The following ZNF679 variants were observed in gnomAD, a reference collection of about 807,000 sequenced individuals.
ZNF679 encodes the protein zinc finger protein 679.
A neutral mutation model predicts 13.4 loss-of-function variants in ZNF679; 10 were observed. That is an observed-to-expected ratio of 0.75 (90% CI 0.46 to 1.27). The LOEUF (loss-of-function observed/expected upper bound fraction) is 1.27, where lower values mean the gene tolerates loss of function less well. Ranked by LOEUF, ZNF679 falls within the 50% of genes most tolerant of loss-of-function variation. ZNF679 has a pLI of 0.00. For missense variants in ZNF679, 525 were observed against 477.8 expected, an observed-to-expected ratio of 1.10 and a Z score of -0.92; for synonymous variants, 179 against 162.5, an observed-to-expected ratio of 1.10 and a Z score of -0.77.
At chr7:64,261,063 T>C in intron 4 of ZNF679, 134 bp downstream of exon 4, 2 of 934,820 alleles carry the variant, frequency 2.1e-6, no homozygotes, top group East Asian at 5.5e-5. Context: ...GTCATTTTTT[T>C]TTCTTTTGCT....
intron 1 of ZNF679, among the ~76,000 whole-genome samples, chr7:64,231,546 A>C (rs76110034): frequency 0.04 from 6,049 of 152,244 alleles, 187 homozygotes; most frequent in East Asian, 0.16. Context: ...GTCATGTCAC[A>C]TAGTTTATGG....
In ZNF679 at chr7:64,266,040, T is replaced by G; in HGVS notation, c.407T>G (p.Val136Gly). 2 of 1,613,270 alleles carry G rather than the reference T, an allele frequency of 1.2e-6. No individual in the cohort carries two copies. The highest frequency in any genetic ancestry group is 1.7e-6 in the Non-Finnish European group (2 of 1,179,662). The change falls in exon 5 of 5, where the codon GTG becomes GGG. Residue 136 changes from valine (V) to glycine (G), a missense_variant. By Grantham distance (109) the Val-to-Gly change is moderately radical (BLOSUM62 -3). Transcript: ENST00000421025. ...TGTAAAAGCATGGGTGAGTGTGAGG[T>G]GCAAAAAGGAGGTTGTAATGAAGTT... ...KTCKSMGECEVQKGGCNEVNQ... is the reference protein window; with the variant it reads ...KTCKSMGECEGQKGGCNEVNQ...
At chr7:64,235,335 CA>C (rs199571542) in intron 1 of ZNF679, among the ~76,000 whole-genome samples, 3,474 of 122,454 alleles carry the variant, frequency 0.028, 121 homozygotes, top group African/African-American at 0.091. Flanking sequence ...TTCTGAGATA[CA>C]AAAAAAAAAA....
At position 64,236,227 on chromosome 7, in the gene ZNF679, C is replaced by T. The variant is rs371331064; in HGVS notation, c.-91+7575C>T. Among the ~76,000 whole-genome samples the T allele has an allele frequency of 3.1e-4, 47 of 149,948 alleles. 1 individual carries two copies. The South Asian group carries it at 8.4e-3, about 27-fold the overall frequency. On this transcript the variant is annotated intron_variant, in intron 1 of 4. Coordinates refer to ENST00000421025, the MANE Select transcript of ZNF679 (RefSeq NM_153363.3). ...TTGCAGTGAGCTGAGATTGAGCCAT[C>T]GCACTCCAGCCTGGGCAACAGGATG...
intron 1 of ZNF679, among the ~76,000 whole-genome samples, chr7:64,236,934 AAAG>A: frequency 2.4e-5 from 1 of 42,242 alleles, no homozygotes; most frequent in Non-Finnish European, 4.3e-5. Context: ...AGAAAGAAAG[AAAG>A]AAAGAAAGAA....
intron 1 of ZNF679, among the ~76,000 whole-genome samples, chr7:64,241,454 TA>T (rs1787797852): frequency 6.6e-6 from 1 of 152,158 alleles, no homozygotes; most frequent in African/African-American, 2.4e-5. Context: ...TCATATCACC[TA>T]GGTGGTGGGC....
Position 64,266,105 on chromosome 7 carries a change from A to T in ZNF679, c.472A>T (p.Thr158Ser). Reference protein sequence around the residue: ...LSTTQNKIFQTHKCVKVFGKF... With the variant: ...LSTTQNKIFQSHKCVKVFGKF... Reference sequence around the variant, plus strand: ...AACTACCCAAAACAAAATATTTCAGACTCATAAATGTGTCAAAGTCTTCGG... The same window carrying T: ...AACTACCCAAAACAAAATATTTCAGTCTCATAAATGTGTCAAAGTCTTCGG... Residue 158 changes from threonine to serine, a missense_variant, in exon 5 of 5, where the codon ACT (threonine) becomes TCT (serine). Transcript: ENST00000421025. 1.2e-6 allele frequency: 2 copies of T among 1,612,336 alleles called. No homozygotes were observed. Among genetic ancestry groups the T allele is most frequent in the Non-Finnish European group, 1.7e-6 (2 of 1,179,014 alleles).
At position 64,249,867 on chromosome 7, in the gene ZNF679, A is replaced by T. The variant is rs551064053; in HGVS notation, c.39+711A>T. Among the ~76,000 whole-genome samples the T allele has an allele frequency of 2.2e-3, 338 of 152,096 alleles. 2 individuals are homozygous for T. Among genetic ancestry groups the T allele is most frequent in the Non-Finnish European group, 2.5e-3 (168 of 67,990 alleles). On this transcript the variant is annotated intron_variant, in intron 2 of 4. Transcript: ENST00000421025. ...AAATGCAATATTTTTTTTGAGAGGGAGTCTTGCTCTGTTGTCCTTACTGGA... is the reference window on the plus strand; with the variant it reads ...AAATGCAATATTTTTTTTGAGAGGGTGTCTTGCTCTGTTGTCCTTACTGGA...
At chr7:64,249,188 G>T in intron 2 of ZNF679, 32 bp downstream of exon 2, 2 of 1,614,030 alleles carry the variant, frequency 1.2e-6, no homozygotes, top group East Asian at 4.5e-5. Flanking sequence ...GTGAGAGAGG[G>T]GTGAGGGCTG....
intron 4 of ZNF679, among the ~76,000 whole-genome samples, chr7:64,263,165 T>C (rs111680527): frequency 2.0e-3 from 312 of 152,270 alleles, no homozygotes; most frequent in Non-Finnish European, 3.2e-3. Context: ...AGTCTTGGCT[T>C]ACTGCAGCCT....
chr7:64,262,779 A>T (rs1412567593), intron 4 of ZNF679, among the ~76,000 whole-genome samples: 1 of 152,188 alleles, frequency 6.6e-6, no homozygotes, highest in Admixed American at 6.5e-5. Flanking sequence ...GTTTCTCTAG[A>T]TATAGTTCAA....
chr7:64,246,961 A>G (rs1465407784), intron 1 of ZNF679, among the ~76,000 whole-genome samples: 5 of 152,188 alleles, frequency 3.3e-5, no homozygotes, highest in Admixed American at 3.3e-4. Context: ...ATTGTTCATG[A>G]GTTTTGCAAG....
chr7:64,253,448 C>G (rs895604550), intron 2 of ZNF679, among the ~76,000 whole-genome samples: 1 of 152,120 alleles, frequency 6.6e-6, no homozygotes, highest in Non-Finnish European at 1.5e-5. Flanking sequence ...AGCCTTTATA[C>G]TGAGATGAGC....
At chr7:64,255,884 C>T (rs1427059645) in intron 2 of ZNF679, among the ~76,000 whole-genome samples, 1 of 152,184 alleles carries the variant, frequency 6.6e-6, no homozygotes, top group African/African-American at 2.4e-5. Context: ...GTTGGGATTA[C>T]AGGTGTGAGC....
At chr7:64,245,255 C>G (rs967792998) in intron 1 of ZNF679, among the ~76,000 whole-genome samples, 2 of 152,122 alleles carry the variant, frequency 1.3e-5, no homozygotes, top group East Asian at 1.9e-4. Context: ...TGAACCCCCC[C>G]ACTCAGGTGA....
Position 64,266,646 on chromosome 7 carries a change from C to A in ZNF679, c.1013C>A (p.Thr338Asn). 6.2e-7 allele frequency: 1 copy of A among 1,610,370 alleles called. No homozygotes were observed. Among genetic ancestry groups the A allele is most frequent in the Non-Finnish European group, 8.5e-7 (1 of 1,176,986 alleles). ...ECGKAFNCSS[T>N]LKKHKIIHTG... ...GGCAAAGCCTTTAACTGCTCCTCAA[C>A]CCTTAAGAAACATAAGATAATTCAT... The change falls in exon 5 of 5, where the codon ACC (threonine) becomes AAC (asparagine). Residue 338 changes from threonine to asparagine, a missense_variant. Thr to Asn is a moderately conservative substitution (Grantham distance 65, BLOSUM62 0). Coordinates refer to ENST00000421025, the MANE Select transcript of ZNF679 (RefSeq NM_153363.3).
chr7:64,234,877 A>G (rs1022665002), intron 1 of ZNF679, among the ~76,000 whole-genome samples: 11 of 152,136 alleles, frequency 7.2e-5, no homozygotes, highest in Non-Finnish European at 1.5e-4. Context: ...TCGCTCTGTC[A>G]CCCAGGCTGG....
intron 4 of ZNF679, 74 bp downstream of exon 4, chr7:64,261,003 T>C: frequency 1.4e-6 from 2 of 1,449,474 alleles, no homozygotes; most frequent in African/African-American, 1.5e-5. Context: ...GTCCTTAAAA[T>C]GTGATTTGGG....
At chr7:64,237,189 G>A (rs1020495233) in intron 1 of ZNF679, among the ~76,000 whole-genome samples, 1 of 152,184 alleles carries the variant, frequency 6.6e-6, no homozygotes, top group African/African-American at 2.4e-5. Context: ...CACTGGTGCA[G>A]ATTCAAGATC....
Sources: allele counts gnomAD v4.1 joint callset (sites outside exome capture counted in the v4.1 genomes callset), GRCh38; gene constraint gnomAD v4.1.1; transcripts MANE v1.5; gene names NCBI Gene and HGNC (gene_info 2026-07-23, HGNC 2026-07-21).